Variants in MYT1L observed in about 807,000 individuals in gnomAD.
The protein encoded by MYT1L is myelin transcription factor 1 like.
MYT1L carries 12 observed loss-of-function variants against 126.7 expected under a neutral mutation model. That is an observed-to-expected ratio of 0.09 (90% confidence interval 0.06 to 0.15). The LOEUF is 0.15. Ranked by LOEUF, MYT1L falls within the 10% of genes least tolerant of loss-of-function variation. The probability of loss-of-function intolerance (pLI) is 1.00; values close to 1 mark genes in which losing one functional copy is unlikely to be tolerated. For missense variants in MYT1L, 979 were observed against 1,585.2 expected (o/e 0.62, Z 6.49); for synonymous variants, 541 against 604.2 (o/e 0.90, Z 1.53).
At chr2:1,973,525 T>G (rs2059955619) in intron 8 of MYT1L, among the ~76,000 whole-genome samples, 1 of 152,194 alleles carries the variant, frequency 6.6e-6, no homozygotes, top group African/African-American at 2.4e-5. Flanking sequence ...CTTAGTCAAA[T>G]GTTCAAAAAT....
chr2:2,095,552 C>T (rs1441429557), intron 3 of MYT1L, among the ~76,000 whole-genome samples: 2 of 152,306 alleles, frequency 1.3e-5, no homozygotes, highest in Non-Finnish European at 2.9e-5. Context: ...GAGCCCCCAC[C>T]TGTGGCCGCG....
intron 2 of MYT1L, among the ~76,000 whole-genome samples, chr2:2,255,539 T>G (rs1440980911): frequency 6.6e-6 from 1 of 152,188 alleles, no homozygotes; most frequent in Non-Finnish European, 1.5e-5. Context: ...CAAATTACTC[T>G]GGAAACGATA....
At chr2:1,920,684 G>A (rs2053456697) in intron 10 of MYT1L, among the ~76,000 whole-genome samples, 1 of 152,196 alleles carries the variant, frequency 6.6e-6, no homozygotes, top group African/African-American at 2.4e-5. Flanking sequence ...TTTCATTCCT[G>A]TATGATTCTC....
intron 3 of MYT1L, among the ~76,000 whole-genome samples, chr2:2,134,899 T>G (rs908191964): frequency 6.6e-6 from 1 of 152,178 alleles, no homozygotes; most frequent in African/African-American, 2.4e-5. Flanking sequence ...TCATCACAGG[T>G]AGCTGCCTAC....
chr2:1,936,452 C>A (rs1428681984), intron 9 of MYT1L, among the ~76,000 whole-genome samples: 1 of 152,190 alleles, frequency 6.6e-6, no homozygotes, highest in Non-Finnish European at 1.5e-5. Flanking sequence ...AACGTAGCTG[C>A]ACATGCCATG....
chr2:2,088,258 C>T (rs754366036), intron 3 of MYT1L, among the ~76,000 whole-genome samples: 16 of 152,242 alleles, frequency 1.1e-4, no homozygotes, highest in Middle Eastern at 3.4e-3. Context: ...CTCTAGAAGA[C>T]GGAAAATAAA....
At chr2:1,795,992 C>T (rs933729545) in intron 23 of MYT1L, among the ~76,000 whole-genome samples, 2 of 152,118 alleles carry the variant, frequency 1.3e-5, no homozygotes, top group African/African-American at 2.4e-5. Flanking sequence ...ACATTGAAAG[C>T]TAAGACTAAG....
chr2:2,123,890 C>A (rs1344853591), intron 3 of MYT1L, among the ~76,000 whole-genome samples: 1 of 152,100 alleles, frequency 6.6e-6, no homozygotes, highest in Non-Finnish European at 1.5e-5. Flanking sequence ...TAGCATGTGG[C>A]GGGGCCCTGA....
chr2:1,991,820 C>T (rs368537342), intron 5 of MYT1L, among the ~76,000 whole-genome samples: 11 of 152,124 alleles, frequency 7.2e-5, no homozygotes, highest in Middle Eastern at 3.2e-3. Flanking sequence ...CTTGTCAATT[C>T]CTCTCCATCA....
chr2:2,154,982 C>T (rs984716740), intron 3 of MYT1L, among the ~76,000 whole-genome samples: 3 of 152,082 alleles, frequency 2.0e-5, no homozygotes, highest in Admixed American at 1.3e-4. Flanking sequence ...CAAAAATTAG[C>T]CAGGCATGGT....
At chr2:2,100,121 G>A (rs2077887575) in intron 3 of MYT1L, among the ~76,000 whole-genome samples, 1 of 152,220 alleles carries the variant, frequency 6.6e-6, no homozygotes, top group Non-Finnish European at 1.5e-5. Context: ...TCCAATCTTA[G>A]GTTCAATATG....
chr2:1,937,789 T>C (rs972676442), intron 9 of MYT1L, among the ~76,000 whole-genome samples: 1 of 152,020 alleles, frequency 6.6e-6, no homozygotes, highest in Non-Finnish European at 1.5e-5. Context: ...AGATCGCACG[T>C]GGAGAAGGCC....
intron 2 of MYT1L, among the ~76,000 whole-genome samples, chr2:2,230,225 G>A (rs1195377475): frequency 1.3e-5 from 2 of 152,182 alleles, no homozygotes; most frequent in Non-Finnish European, 2.9e-5. Flanking sequence ...ATAAGGAAAA[G>A]GCAGGCAGCT....
intron 8 of MYT1L, among the ~76,000 whole-genome samples, chr2:1,951,397 G>A (rs942209133): frequency 1.8e-4 from 28 of 152,160 alleles, no homozygotes; most frequent in African/African-American, 6.3e-4. Context: ...GCATGAGGCT[G>A]GCCCAGGAGA....
At chr2:1,981,283 C>A (rs547568644) in intron 5 of MYT1L, among the ~76,000 whole-genome samples, 1 of 152,122 alleles carries the variant, frequency 6.6e-6, no homozygotes, top group Non-Finnish European at 1.5e-5. Context: ...TTAAAAATCT[C>A]TTAATGGGCT....
chr2:2,296,138 T>G (rs1309968791), intron 1 of MYT1L, among the ~76,000 whole-genome samples: 2 of 152,208 alleles, frequency 1.3e-5, no homozygotes, highest in African/African-American at 4.8e-5. Context: ...CCAGAGCCAG[T>G]CAAAAGGAAA....
At chr2:2,108,156 T>C (rs1364151132) in intron 3 of MYT1L, among the ~76,000 whole-genome samples, 2 of 152,138 alleles carry the variant, frequency 1.3e-5, no homozygotes, top group Non-Finnish European at 2.9e-5. Flanking sequence ...TGTGAACGCC[T>C]CACCTGAGTG....
rs371155437 is a variant in MYT1L at position 1,982,243 on chromosome 2, G to A, written c.1-2466C>T. On this transcript the variant is annotated intron_variant, in intron 5 of 24. Coordinates refer to ENST00000647738, the MANE Select transcript of MYT1L (RefSeq NM_001303052.2). ...ACATCCATGAGAAAGGGCATTTCCC[G>A]GGGTCCCCTGCCCTTGTCACAGGCC... 9.2e-5 allele frequency among the ~76,000 whole-genome samples: 14 copies of A among 152,210 alleles called. No individual in the cohort carries two copies. In the East Asian group the frequency reaches 1.5e-3, roughly 17 times the overall value.
intron 3 of MYT1L, among the ~76,000 whole-genome samples, chr2:2,127,767 G>T (rs1253807118): frequency 6.6e-6 from 1 of 152,168 alleles, no homozygotes; most frequent in Non-Finnish European, 1.5e-5. Flanking sequence ...TCACATTTGT[G>T]ACTCTGATGG....
Sources: gnomAD v4.1 joint callset for allele counts (sites outside exome capture counted in the v4.1 genomes callset) on GRCh38, gnomAD v4.1.1 for gene constraint, MANE v1.5 for transcripts, NCBI Gene and HGNC (gene_info 2026-07-23, HGNC 2026-07-21) for gene names.